The following BMP7 variants were observed in gnomAD, a reference collection of about 807,000 sequenced individuals.
BMP7 encodes the protein osteogenic protein 1.
Under a neutral mutation model 41.2 loss-of-function variants are expected in BMP7, and 12 were observed. The observed-to-expected ratio is 0.29, with a 90% CI of 0.19 to 0.47. The LOEUF is 0.47. Among genes scored for constraint, BMP7 ranks in the 20% least tolerant of loss-of-function variants. BMP7 has a pLI of 0.99. For missense variants in BMP7, 467 were observed against 606.0 expected (o/e 0.77, Z 2.41); for synonymous variants, 248 against 250.0 (o/e 0.99, Z 0.07).
chr20:57,265,606 C>A, intron 1 of BMP7, 99 bp downstream of exon 1: 1 of 1,509,684 alleles, frequency 6.6e-7, no homozygotes. Flanking sequence ...CAGCCAGGAG[C>A]GGAAAGCTGG....
chr20:57,232,583 A>G (rs1015973599), intron 1 of BMP7, among the ~76,000 whole-genome samples: 2 of 152,228 alleles, frequency 1.3e-5, no homozygotes, highest in African/African-American at 4.8e-5. Context: ...TTTTTAATAT[A>G]GAAGATGAAC....
chr20:57,231,957 C>A (rs897318540), intron 1 of BMP7, among the ~76,000 whole-genome samples: 1 of 152,230 alleles, frequency 6.6e-6, no homozygotes, highest in Non-Finnish European at 1.5e-5. Flanking sequence ...ACTGAGCAAG[C>A]ACTCTTTGCC....
At chr20:57,201,889 T>C (rs1363490351) in intron 3 of BMP7, among the ~76,000 whole-genome samples, 1 of 152,172 alleles carries the variant, frequency 6.6e-6, no homozygotes, top group East Asian at 1.9e-4. Flanking sequence ...GAGGGCAGAC[T>C]CACAATGGAT....
chr20:57,232,852 TACACACACACACACACAC>T (rs60368986), intron 1 of BMP7, among the ~76,000 whole-genome samples: 2,764 of 138,132 alleles, frequency 0.02, 53 homozygotes, highest in Non-Finnish European at 0.021. Flanking sequence ...AGTCATGAAG[TACACACACACACACACAC>T]ACACACACAC....
intron 2 of BMP7, among the ~76,000 whole-genome samples, chr20:57,218,085 G>A (rs926427178): frequency 9.2e-5 from 14 of 152,250 alleles, no homozygotes; most frequent in Non-Finnish European, 1.9e-4. Flanking sequence ...CATCTGACCC[G>A]TGCAGTCACA....
intron 2 of BMP7, among the ~76,000 whole-genome samples, chr20:57,204,386 T>A (rs1406273363): frequency 1.3e-5 from 2 of 152,230 alleles, no homozygotes; most frequent in Non-Finnish European, 2.9e-5. Flanking sequence ...CCATAATATG[T>A]TAGACATTCG....
chr20:57,223,371 G>T (rs1418597764), intron 2 of BMP7, among the ~76,000 whole-genome samples: 3 of 152,184 alleles, frequency 2.0e-5, no homozygotes, highest in African/African-American at 7.2e-5. Context: ...GCACACCAAT[G>T]ACAGTTCAAC....
At chr20:57,229,813 C>T (rs143850801) in intron 1 of BMP7, among the ~76,000 whole-genome samples, 11 of 152,326 alleles carry the variant, frequency 7.2e-5, no homozygotes, top group East Asian at 1.9e-4. Context: ...GACAGCAGGA[C>T]GGGAACACCA....
At chr20:57,209,250 TATATA>T (rs1355865513) in intron 2 of BMP7, among the ~76,000 whole-genome samples, 53 of 9,250 alleles carry the variant, frequency 5.7e-3, no homozygotes, top group South Asian at 0.034. Context: ...TATATATTTT[TATATA>T]TATATATATA....
At chr20:57,178,949 G>A (rs1050908651) in intron 4 of BMP7, among the ~76,000 whole-genome samples, 1 of 152,206 alleles carries the variant, frequency 6.6e-6, no homozygotes, top group African/African-American at 2.4e-5. Flanking sequence ...GGGACAAGGA[G>A]TGGCCTGAGT....
intron 5 of BMP7, among the ~76,000 whole-genome samples, chr20:57,173,828 C>G (rs574139956): frequency 3.9e-5 from 6 of 152,106 alleles, no homozygotes; most frequent in Admixed American, 6.5e-5. Flanking sequence ...CTCCATGCCT[C>G]GGTTTGCCCA....
At chr20:57,232,392 C>T (rs1045691683) in intron 1 of BMP7, among the ~76,000 whole-genome samples, 1 of 152,072 alleles carries the variant, frequency 6.6e-6, no homozygotes, top group Non-Finnish European at 1.5e-5. Context: ...TGGGCATTTA[C>T]ACAGTGCACT....
chr20:57,210,554 G>A (rs773076523), intron 2 of BMP7, among the ~76,000 whole-genome samples: 7 of 152,178 alleles, frequency 4.6e-5, no homozygotes, highest in African/African-American at 1.4e-4. Context: ...TGCAGGACCC[G>A]GCCTCAGCGC....
intron 3 of BMP7, among the ~76,000 whole-genome samples, chr20:57,186,193 G>A (rs1024929832): frequency 3.3e-5 from 5 of 152,228 alleles, no homozygotes; most frequent in African/African-American, 1.2e-4. Context: ...CAATGTGAAG[G>A]TGGCCTCTGT....
At chr20:57,181,342 A>G (rs150955619) in intron 4 of BMP7, among the ~76,000 whole-genome samples, 41 of 152,132 alleles carry the variant, frequency 2.7e-4, no homozygotes, top group Non-Finnish European at 3.8e-4. Context: ...CTGTCTCTAC[A>G]AAAAATAGCC....
intron 1 of BMP7, among the ~76,000 whole-genome samples, chr20:57,229,824 T>C (rs374843247): frequency 6.6e-6 from 1 of 152,174 alleles, no homozygotes. Context: ...GGGAACACCA[T>C]TGAGGAAGAA....
intron 2 of BMP7, among the ~76,000 whole-genome samples, chr20:57,217,286 G>A (rs1180975762): frequency 6.6e-6 from 1 of 151,398 alleles, no homozygotes; most frequent in Non-Finnish European, 1.5e-5. Flanking sequence ...GCCTGCTATT[G>A]AGGACACCTC....
chr20:57,189,317 C>T (rs999052108), intron 3 of BMP7, among the ~76,000 whole-genome samples: 2 of 152,202 alleles, frequency 1.3e-5, no homozygotes, highest in Admixed American at 6.5e-5. Flanking sequence ...AGCCCATTTG[C>T]GGGCAGCGAC....
chr20:57,188,171 T>G (rs937560866), intron 3 of BMP7, among the ~76,000 whole-genome samples: 3 of 152,164 alleles, frequency 2.0e-5, no homozygotes, highest in Non-Finnish European at 4.4e-5. Flanking sequence ...GCAGCATTAT[T>G]TATGATGGCC....
Sources: gnomAD v4.1 joint callset for allele counts (sites outside exome capture counted in the v4.1 genomes callset) on GRCh38, gnomAD v4.1.1 for gene constraint, MANE v1.5 for transcripts, NCBI Gene and HGNC (gene_info 2026-07-23, HGNC 2026-07-21) for gene names.